DYNC2I1: variants seen among roughly 807,000 people sequenced by gnomAD.
DYNC2I1 encodes the protein cytoplasmic dynein 2 intermediate chain 1.
In DYNC2I1, 89 loss-of-function variants were observed where a neutral mutation model predicts 133.4. That is an observed-to-expected ratio of 0.67 (90% confidence interval 0.56 to 0.80). The LOEUF (loss-of-function observed/expected upper bound fraction) is 0.80, where lower values mean the gene tolerates loss of function less well. DYNC2I1 is among the 30% of genes least tolerant of loss of function. DYNC2I1 has a pLI of 0.00. For synonymous variants in DYNC2I1, 504 were observed against 484.3 expected (o/e 1.04, Z -0.54); for missense variants, 1,291 against 1,314.5 (o/e 0.98, Z 0.28).
chr7:158,849,335 C>G, the DYNC2I1 span, among the ~76,000 whole-genome samples: 2 of 152,186 alleles, frequency 1.3e-5, no homozygotes, highest in Non-Finnish European at 2.9e-5. Flanking sequence ...AATGTTTTCC[C>G]TATCTAGAAC....
intron 11 of DYNC2I1, among the ~76,000 whole-genome samples, chr7:158,910,248 G>A (rs1403582603): frequency 6.6e-6 from 1 of 152,278 alleles, no homozygotes; most frequent in Non-Finnish European, 1.5e-5. Context: ...AGCCACGTGG[G>A]TGCGGCGTTT....
At chr7:158,869,425 T>G (rs564014741) in intron 1 of DYNC2I1, 1 of 471,262 alleles carries the variant, frequency 2.1e-6, no homozygotes, top group Admixed American at 2.3e-5. Context: ...ATACCTTCTG[T>G]CCTGGGTTGA....
chr7:158,934,682 A>G lies in DYNC2I1; in HGVS notation c.2778+133A>G, dbSNP rs1850572813. The stretch of plus-strand genomic sequence containing the variant: ...TGCAGCCTTGAACTCCTGGGCTCAA[A>G]TGACCCTCCCACCTCAGCCTCCCGA... On this transcript the variant is annotated intron_variant, in intron 23 of 24. Transcript: ENST00000407559. The G allele has an allele frequency of 1.1e-6, 1 of 915,088 alleles. No homozygotes were observed. Among genetic ancestry groups the G allele is most frequent in the Non-Finnish European group, 1.6e-6 (1 of 626,418 alleles). The allele number at this position is 915,088 out of a possible 1,614,324, so 56.7% of individuals were successfully genotyped here.
intron 14 of DYNC2I1, among the ~76,000 whole-genome samples, chr7:158,917,787 A>G (rs1288095631): frequency 6.6e-6 from 1 of 151,726 alleles, no homozygotes; most frequent in African/African-American, 2.4e-5. Flanking sequence ...CTCACTTCAA[A>G]TCTCCTGCCT....
chr7:158,883,750 G>A (rs1193174259), intron 5 of DYNC2I1, among the ~76,000 whole-genome samples: 76 of 132,434 alleles, frequency 5.7e-4, no homozygotes, highest in African/African-American at 1.8e-3. Flanking sequence ...TGCAAGCTCC[G>A]CCTCCCGGGT....
intron 15 of DYNC2I1, among the ~76,000 whole-genome samples, chr7:158,919,280 G>C (rs993666826): frequency 3.9e-5 from 6 of 152,354 alleles, no homozygotes; most frequent in Non-Finnish European, 8.8e-5. Flanking sequence ...TTTAGATATA[G>C]TTACAAGCAA....
chr7:158,898,371 T>C (rs1010870258), intron 8 of DYNC2I1, among the ~76,000 whole-genome samples: 2 of 152,224 alleles, frequency 1.3e-5, no homozygotes, highest in African/African-American at 4.8e-5. Flanking sequence ...TTCATCTATT[T>C]CTTCTTGCAC....
intron 8 of DYNC2I1, among the ~76,000 whole-genome samples, chr7:158,893,646 C>A (rs59915797): frequency 6.6e-6 from 1 of 151,568 alleles, no homozygotes; most frequent in South Asian, 2.1e-4. Flanking sequence ...TACCACATAT[C>A]GTACTGCATG....
chr7:158,927,421 A>AT (rs1439921674), intron 20 of DYNC2I1, among the ~76,000 whole-genome samples: 3 of 151,830 alleles, frequency 2.0e-5, no homozygotes, highest in Admixed American at 2.0e-4. Context: ...AAAAAAAAAA[A>AT]AGATACCAAT....
At chr7:158,951,094 C>T (rs916733668), downstream of DYNC2I1, among the ~76,000 whole-genome samples, 29 of 152,222 alleles carry the variant, frequency 1.9e-4, no homozygotes, top group Admixed American at 6.5e-5. Flanking sequence ...TATTTAAAAT[C>T]CCCTTTCAAA....
chr7:158,958,590 C>T (rs1450476049), downstream of DYNC2I1, among the ~76,000 whole-genome samples: 1 of 152,218 alleles, frequency 6.6e-6, no homozygotes, highest in Non-Finnish European at 1.5e-5. Context: ...CTAAATCCCA[C>T]CTCCCCGCAA....
chr7:158,923,588 G>C lies in DYNC2I1; in HGVS notation c.2112G>C (p.Leu704Phe), dbSNP rs1182072813. The C allele has an allele frequency of 4.3e-6, 7 of 1,613,876 alleles. No individual in the cohort carries two copies. The African/African-American group carries it at 9.3e-5, about 22-fold the overall frequency. Residue 704 changes from leucine (L) to phenylalanine (F), a missense_variant, in exon 17 of 25, where the codon TTG becomes TTC. Coordinates refer to ENST00000407559, the MANE Select transcript of DYNC2I1 (RefSeq NM_018051.5). The part of the protein sequence containing the change: ...ICESQVTCCC[L>F]SPLKAFLLFA... ...TCTTTTAGGTCACGTGTTGCTGCTT[G>C]AGCCCTTTGAAAGCATTTTTACTGT...
At chr7:158,854,478 A>C, upstream of DYNC2I1, among the ~76,000 whole-genome samples, 1 of 139,794 alleles carries the variant, frequency 7.2e-6, no homozygotes. Context: ...AGGGAGAGGA[A>C]CATCACACGT....
chr7:158,869,969 T>C (rs755710135), intron 2 of DYNC2I1, 61 bp downstream of exon 2: 4 of 1,420,646 alleles, frequency 2.8e-6, no homozygotes, highest in Non-Finnish European at 3.9e-6. Flanking sequence ...TTCTTGGACC[T>C]GCTTTACCTG....
chr7:158,922,743 A>G (rs1240006976), intron 16 of DYNC2I1, among the ~76,000 whole-genome samples, 194 bp downstream of exon 16: 1 of 152,170 alleles, frequency 6.6e-6, no homozygotes, highest in African/African-American at 2.4e-5. Flanking sequence ...GTGTGCTTGT[A>G]GTTCAGAATG....
At chr7:158,954,379 T>C (rs569575483) in intron 4 of DYNC2I1, among the ~76,000 whole-genome samples, 1 of 152,334 alleles carries the variant, frequency 6.6e-6, no homozygotes, top group East Asian at 1.9e-4. Context: ...GTGTAGTGGC[T>C]CACACCTGTA....
At chr7:158,948,337 C>T (rs528676165), downstream of DYNC2I1, among the ~76,000 whole-genome samples, 2 of 152,348 alleles carry the variant, frequency 1.3e-5, no homozygotes, top group East Asian at 3.9e-4. Flanking sequence ...CGCTTTCTTC[C>T]AAGGCAGACA....
chr7:158,948,148 G>A (rs371477106), downstream of DYNC2I1, among the ~76,000 whole-genome samples: 241 of 152,266 alleles, frequency 1.6e-3, 3 homozygotes, highest in South Asian at 0.011. Flanking sequence ...TGGAGTAATC[G>A]CAGCCTCTAA....
intron 21 of DYNC2I1, among the ~76,000 whole-genome samples, chr7:158,930,880 C>T (rs1850155258): frequency 6.6e-6 from 1 of 152,082 alleles, no homozygotes; most frequent in African/African-American, 2.4e-5. Flanking sequence ...ATTGATCAGG[C>T]TGGTCTCGAA....
Sources: allele counts gnomAD v4.1 joint callset (sites outside exome capture counted in the v4.1 genomes callset), GRCh38; gene constraint gnomAD v4.1.1; transcripts MANE v1.5; gene names NCBI Gene and HGNC (gene_info 2026-07-23, HGNC 2026-07-21).